TPST1: variants seen among roughly 807,000 people sequenced by gnomAD.
The protein encoded by TPST1 is protein-tyrosine sulfotransferase 1.
Under a neutral mutation model 34.8 loss-of-function variants are expected in TPST1, and 20 were observed. That is an observed-to-expected ratio of 0.57 (90% CI 0.40 to 0.84). The LOEUF is 0.84. Ranked by LOEUF, TPST1 falls within the 40% of genes least tolerant of loss-of-function variation. The probability of loss-of-function intolerance (pLI) is 0.00; values close to 1 mark genes in which losing one functional copy is unlikely to be tolerated. For missense variants in TPST1, 353 were observed against 455.5 expected (o/e 0.78, Z 2.05); for synonymous variants, 152 against 159.4 (o/e 0.95, Z 0.35).
chr7:66,246,233 G>A (rs1790146027), intron 2 of TPST1, among the ~76,000 whole-genome samples: 1 of 124,276 alleles, frequency 8.0e-6, no homozygotes, highest in African/African-American at 3.0e-5. Context: ...CTCACTATGT[G>A]TTACCCAGGC....
At chr7:66,227,681 T>C (rs1252104771) in intron 1 of TPST1, among the ~76,000 whole-genome samples, 1 of 152,016 alleles carries the variant, frequency 6.6e-6, no homozygotes, top group South Asian at 2.1e-4. Flanking sequence ...AGTGGATGTG[T>C]TGAGAAGTAG....
At chr7:66,352,296 G>A (rs973332754) in intron 3 of TPST1, among the ~76,000 whole-genome samples, 3 of 152,184 alleles carry the variant, frequency 2.0e-5, no homozygotes, top group South Asian at 2.1e-4. Context: ...GTGAGCACTC[G>A]GTAAACACAG....
chr7:66,275,940 T>C (rs1373598239), intron 2 of TPST1, among the ~76,000 whole-genome samples: 1 of 152,052 alleles, frequency 6.6e-6, no homozygotes, highest in Non-Finnish European at 1.5e-5. Context: ...CATTTCACCA[T>C]GTATACATAT....
At chr7:66,312,604 A>T (rs1791552091) in intron 3 of TPST1, among the ~76,000 whole-genome samples, 1 of 152,140 alleles carries the variant, frequency 6.6e-6, no homozygotes, top group Non-Finnish European at 1.5e-5. Context: ...TCCCTTTAAA[A>T]TGAAGATATG....
At chr7:66,235,359 A>T (rs1373281470) in intron 1 of TPST1, among the ~76,000 whole-genome samples, 1 of 151,902 alleles carries the variant, frequency 6.6e-6, no homozygotes, top group Non-Finnish European at 1.5e-5. Flanking sequence ...TTTTCTTTGC[A>T]GTTTTTTCTT....
intron 3 of TPST1, among the ~76,000 whole-genome samples, chr7:66,299,134 A>T (rs954926409): frequency 6.6e-6 from 1 of 151,978 alleles, no homozygotes; most frequent in Non-Finnish European, 1.5e-5. Context: ...TCAAAAAAAA[A>T]AAAAAATCCA....
intron 1 of TPST1, among the ~76,000 whole-genome samples, chr7:66,225,005 C>T (rs879762716): frequency 1.4e-5 from 2 of 147,948 alleles, no homozygotes; most frequent in African/African-American, 2.5e-5. Flanking sequence ...ACAACCTCCA[C>T]CTCCTGGGTT....
intron 3 of TPST1, among the ~76,000 whole-genome samples, chr7:66,327,672 G>A (rs1474747881): frequency 3.3e-5 from 5 of 151,444 alleles, no homozygotes; most frequent in Admixed American, 1.3e-4. Context: ...GCAGTGAGCC[G>A]TGATTGTGCT....
chr7:66,328,880 CTCTCTCTATATA>C (rs1432939596), intron 3 of TPST1, among the ~76,000 whole-genome samples: 1 of 30,868 alleles, frequency 3.2e-5, no homozygotes, highest in Non-Finnish European at 5.5e-5. Flanking sequence ...CTCTCTCTCT[CTCTCTCTATATA>C]TATATATATA....
chr7:66,219,412 G>A (rs543281663), intron 1 of TPST1, among the ~76,000 whole-genome samples: 6 of 152,272 alleles, frequency 3.9e-5, no homozygotes, highest in Admixed American at 1.3e-4. Context: ...TCTAGCCTCC[G>A]TATATATCTG....
At chr7:66,294,518 TG>T (rs1228344215) in intron 3 of TPST1, among the ~76,000 whole-genome samples, 1 of 152,084 alleles carries the variant, frequency 6.6e-6, no homozygotes, top group Non-Finnish European at 1.5e-5. Context: ...AGCAGCTATA[TG>T]GGAAGAGCTG....
chr7:66,209,966 C>T (rs1789210113), intron 1 of TPST1, among the ~76,000 whole-genome samples: 2 of 152,066 alleles, frequency 1.3e-5, no homozygotes, highest in African/African-American at 4.8e-5. Flanking sequence ...CTGCGCCTGG[C>T]CCCAGGTGTA....
At chr7:66,248,503 GTTTTT>G (rs373801835) in intron 2 of TPST1, among the ~76,000 whole-genome samples, 1 of 124,286 alleles carries the variant, frequency 8.0e-6, no homozygotes. Flanking sequence ...AACATTTAGT[GTTTTT>G]TTTTTTTTTT....
intron 4 of TPST1, among the ~76,000 whole-genome samples, chr7:66,356,360 G>A (rs888571830): frequency 6.6e-6 from 1 of 152,158 alleles, no homozygotes; most frequent in Non-Finnish European, 1.5e-5. Flanking sequence ...TTCACCAACC[G>A]GGAAGTGCCA....
At chr7:66,307,671 C>G (rs1005413974) in intron 3 of TPST1, among the ~76,000 whole-genome samples, 2 of 152,212 alleles carry the variant, frequency 1.3e-5, no homozygotes, top group Non-Finnish European at 2.9e-5. Flanking sequence ...TTGTTGGCCT[C>G]TCCTGTTGGC....
chr7:66,309,737 AG>A (rs1282329968), intron 3 of TPST1, among the ~76,000 whole-genome samples: 1 of 152,204 alleles, frequency 6.6e-6, no homozygotes, highest in Non-Finnish European at 1.5e-5. Flanking sequence ...AAACCAAAAA[AG>A]GTAGATAAAA....
intron 2 of TPST1, among the ~76,000 whole-genome samples, chr7:66,253,871 T>C (rs907826027): frequency 6.6e-6 from 1 of 151,374 alleles, no homozygotes; most frequent in Admixed American, 6.6e-5. Context: ...AACGCCATCA[T>C]TACCAAAAAA....
At chr7:66,218,557 A>G (rs1789473131) in intron 1 of TPST1, among the ~76,000 whole-genome samples, 1 of 152,178 alleles carries the variant, frequency 6.6e-6, no homozygotes, top group Non-Finnish European at 1.5e-5. Flanking sequence ...AGAAATTGCT[A>G]TTATAGGGCT....
At chr7:66,296,247 T>TTTCCCCCCCCCC (rs1554349789) in intron 3 of TPST1, among the ~76,000 whole-genome samples, 1 of 40,064 alleles carries the variant, frequency 2.5e-5, no homozygotes. Flanking sequence ...CACCCACCCT[T>TTTCCCCCCCCCC]CCCCCCCCCC....
Sources: allele counts gnomAD v4.1 joint callset (sites outside exome capture counted in the v4.1 genomes callset), GRCh38; gene constraint gnomAD v4.1.1; transcripts MANE v1.5; gene names NCBI Gene and HGNC (gene_info 2026-07-23, HGNC 2026-07-21).